The following MAD1L1 variants were observed in gnomAD, a reference collection of about 807,000 sequenced individuals.
MAD1L1 encodes the protein mitotic spindle assembly checkpoint protein MAD1.
A neutral mutation model predicts 96.9 loss-of-function variants in MAD1L1; 95 were observed. The observed-to-expected ratio is 0.98, with a 90% CI of 0.83 to 1.16. The LOEUF (loss-of-function observed/expected upper bound fraction) is 1.16, where lower values mean the gene tolerates loss of function less well. Among genes scored for constraint, MAD1L1 ranks in the 50% most tolerant of loss-of-function variants. The pLI, the probability that MAD1L1 is intolerant of heterozygous loss-of-function variation, is 0.00. For synonymous variants in MAD1L1, 473 were observed against 396.6 expected, an observed-to-expected ratio of 1.19 and a Z score of -2.29; for missense variants, 1,007 against 954.4, an observed-to-expected ratio of 1.06 and a Z score of -0.73.
intron 18 of MAD1L1, among the ~76,000 whole-genome samples, chr7:1,851,997 G>A (rs550591977): frequency 2.6e-5 from 4 of 152,322 alleles, no homozygotes; most frequent in Admixed American, 2.0e-4. Flanking sequence ...CAGCGGCAAC[G>A]AGAGGGGCTG....
At chr7:2,046,801 G>C (rs557965593) in intron 12 of MAD1L1, among the ~76,000 whole-genome samples, 2 of 152,154 alleles carry the variant, frequency 1.3e-5, no homozygotes, top group East Asian at 1.9e-4. Context: ...TAAGCTCCTA[G>C]GTGGAGGGCT....
chr7:1,967,545 T>C (rs946010377), intron 15 of MAD1L1, among the ~76,000 whole-genome samples: 1 of 152,110 alleles, frequency 6.6e-6, no homozygotes, highest in South Asian at 2.1e-4. Flanking sequence ...CGGGAGGGTG[T>C]AGAAGCAGTG....
At chr7:2,052,524 C>T (rs1016079319) in intron 12 of MAD1L1, among the ~76,000 whole-genome samples, 5 of 152,038 alleles carry the variant, frequency 3.3e-5, no homozygotes, top group Admixed American at 2.0e-4. Context: ...GGCCCGGGCA[C>T]GGTGCCCAGG....
chr7:2,009,428 C>T (rs1242758385), intron 13 of MAD1L1, among the ~76,000 whole-genome samples: 3 of 152,124 alleles, frequency 2.0e-5, no homozygotes, highest in Admixed American at 1.3e-4. Flanking sequence ...GTCACGGTCA[C>T]GTGGAAAAGG....
intron 12 of MAD1L1, 116 bp from the exon 13 acceptor site, chr7:2,014,758 C>T (rs555897200): frequency 1.6e-6 from 2 of 1,237,248 alleles, no homozygotes; most frequent in South Asian, 3.3e-5. Context: ...CTCGTGAGGA[C>T]CCAGGCCAGC....
At chr7:2,033,945 A>T (rs1027776628) in intron 12 of MAD1L1, among the ~76,000 whole-genome samples, 2 of 152,280 alleles carry the variant, frequency 1.3e-5, no homozygotes, top group South Asian at 4.1e-4. Flanking sequence ...ATTTTTTTTT[A>T]ATTAGCCAGG....
At chr7:2,196,039 C>T (rs932947641) in intron 10 of MAD1L1, among the ~76,000 whole-genome samples, 2 of 152,232 alleles carry the variant, frequency 1.3e-5, no homozygotes, top group Non-Finnish European at 2.9e-5. Context: ...CACCATGTGG[C>T]CAGCCAGATG....
intron 15 of MAD1L1, among the ~76,000 whole-genome samples, chr7:1,963,327 G>A (rs1367642484): frequency 1.3e-5 from 2 of 152,166 alleles, no homozygotes; most frequent in African/African-American, 4.8e-5. Context: ...AAAAGAGGGA[G>A]ACCACATGCT....
intron 14 of MAD1L1, among the ~76,000 whole-genome samples, chr7:1,987,706 G>A (rs1249016859): frequency 2.0e-5 from 3 of 152,202 alleles, no homozygotes; most frequent in African/African-American, 4.8e-5. Context: ...CCGGCTCCAC[G>A]TCTTTTCTCC....
intron 18 of MAD1L1, among the ~76,000 whole-genome samples, chr7:1,841,651 G>A (rs1489974755): frequency 3.3e-5 from 5 of 152,284 alleles, no homozygotes; most frequent in East Asian, 1.9e-4. Flanking sequence ...GGCTGAGGCC[G>A]GTGGGGACCC....
chr7:1,921,010 G>A (rs34647879), intron 17 of MAD1L1, among the ~76,000 whole-genome samples: 51,514 of 152,164 alleles, frequency 0.34, 8,966 homozygotes, highest in Middle Eastern at 0.42. Context: ...CCCAAAGAGA[G>A]GGTGGGGAGG....
chr7:1,820,086 G>C (rs1051910607), intron 18 of MAD1L1, among the ~76,000 whole-genome samples: 6 of 152,156 alleles, frequency 3.9e-5, no homozygotes, highest in African/African-American at 1.4e-4. Flanking sequence ...TGAAGAGGTG[G>C]AGGCCACACC....
chr7:2,126,238 C>T (rs953402153), intron 11 of MAD1L1, among the ~76,000 whole-genome samples: 4 of 152,230 alleles, frequency 2.6e-5, no homozygotes, highest in Non-Finnish European at 4.4e-5. Flanking sequence ...GCTCAGTGCG[C>T]GGCCCATGGA....
At chr7:1,924,596 G>A (rs955999472) in intron 17 of MAD1L1, among the ~76,000 whole-genome samples, 3 of 152,202 alleles carry the variant, frequency 2.0e-5, no homozygotes, top group Admixed American at 6.5e-5. Context: ...AACGCTGAGA[G>A]AACCTACTCT....
chr7:1,887,411 ATGTG>A (rs10678802), intron 18 of MAD1L1, among the ~76,000 whole-genome samples: 2 of 146,628 alleles, frequency 1.4e-5, no homozygotes, highest in Admixed American at 6.7e-5. Flanking sequence ...CTGCCTGTGC[ATGTG>A]TGTGTGTGCA....
chr7:1,985,461 A>ACT (rs10650434), intron 14 of MAD1L1, among the ~76,000 whole-genome samples: 86,525 of 151,780 alleles, frequency 0.57, 25,021 homozygotes, highest in Middle Eastern at 0.7. Flanking sequence ...CCTCACAGTC[A>ACT]CTCTCTCGGG....
At chr7:1,905,356 T>C (rs1455188556) in intron 17 of MAD1L1, among the ~76,000 whole-genome samples, 4 of 110,968 alleles carry the variant, frequency 3.6e-5, no homozygotes, top group African/African-American at 1.2e-4. Context: ...GAACTCATGA[T>C]TGATAAAGCA....
intron 18 of MAD1L1, among the ~76,000 whole-genome samples, chr7:1,870,912 G>A (rs1463308214): frequency 6.9e-6 from 1 of 145,566 alleles, no homozygotes; most frequent in African/African-American, 2.6e-5. Flanking sequence ...CGTAACACCT[G>A]CCACGCTGAA....
chr7:2,188,280 G>T (rs933874418), intron 10 of MAD1L1, among the ~76,000 whole-genome samples: 10 of 152,200 alleles, frequency 6.6e-5, no homozygotes, highest in Non-Finnish European at 1.3e-4. Flanking sequence ...CCATCTAGAC[G>T]TTCAATGCAA....
Sources: gnomAD v4.1 joint callset for allele counts (sites outside exome capture counted in the v4.1 genomes callset) on GRCh38, gnomAD v4.1.1 for gene constraint, MANE v1.5 for transcripts, NCBI Gene and HGNC (gene_info 2026-07-23, HGNC 2026-07-21) for gene names.